SALL3: variants seen among roughly 807,000 people sequenced by gnomAD.
SALL3 encodes the protein spalt like transcription factor 3.
SALL3 carries 25 observed loss-of-function variants against 66.2 expected under a neutral mutation model. That is an observed-to-expected ratio of 0.38 (90% CI 0.28 to 0.53). SALL3 has a LOEUF of 0.53. Among genes scored for constraint, SALL3 ranks in the 20% least tolerant of loss-of-function variants. The pLI is 0.85. For synonymous variants in SALL3, 1,152 were observed against 899.1 expected (o/e 1.28, Z -5.03); for missense variants, 2,194 against 1,916.5 (o/e 1.14, Z -2.70).
intron 1 of SALL3, among the ~76,000 whole-genome samples, chr18:78,990,080 G>A (rs931708182): frequency 8.6e-5 from 13 of 152,018 alleles, no homozygotes; most frequent in Admixed American, 4.6e-4. Flanking sequence ...TTTGTTCTTT[G>A]CCCTATTCCA....
At chr18:78,991,681 A>C in intron 1 of SALL3, 1 of 198,474 alleles carries the variant, frequency 5.0e-6, no homozygotes, top group Non-Finnish European at 1.0e-5. Context: ...TAGTTTAGCA[A>C]TGTTAAGTGA....
intron 1 of SALL3, among the ~76,000 whole-genome samples, chr18:78,986,340 G>A (rs1006583865): frequency 2.0e-5 from 3 of 152,218 alleles, no homozygotes; most frequent in Non-Finnish European, 4.4e-5. Context: ...TCAGAGCCGC[G>A]TTGAGCATGG....
In SALL3 at chr18:78,995,469, G is replaced by A. The variant is rs1316752491; in HGVS notation, c.3471+7G>A. On this transcript the variant is annotated splice_region_variant and intron_variant, in intron 2 of 2. Transcript: ENST00000537592. The stretch of plus-strand genomic sequence containing the variant: ...CACTAAGGGCAACCTCAAGGTAAGA[G>A]CATGGCAGGCTCCAGCCCCGGCTGC... 1.3e-6 allele frequency: 2 copies of A among 1,537,464 alleles called. No homozygotes were observed. The highest frequency in any genetic ancestry group is 2.7e-5 in the African/African-American group (2 of 73,362).
In SALL3 at chr18:78,993,927, C is replaced by G. The variant is rs1384751651; in HGVS notation, c.1936C>G (p.Gln646Glu). Reference sequence around the variant, plus strand: ...CGCCGTCTCCGAGCAGTTCAAGGCCCAGTTTCCGTTCGGGGGGCTGCTAGA... The same window carrying G: ...CGCCGTCTCCGAGCAGTTCAAGGCCGAGTTTCCGTTCGGGGGGCTGCTAGA... The part of the protein sequence containing the change: ...LPAVSEQFKA[Q>E]FPFGGLLDSM... Residue 646 changes from glutamine to glutamate, a missense_variant, in exon 2 of 3, where the codon CAG (glutamine) becomes GAG (glutamate). By Grantham distance (29) the Gln-to-Glu change is conservative (BLOSUM62 2). Transcript: ENST00000537592. The G allele has an allele frequency of 6.2e-7, 1 of 1,606,656 alleles. No homozygotes were observed. Among genetic ancestry groups the G allele is most frequent in the Admixed American group, 1.7e-5 (1 of 59,494 alleles).
Position 78,994,874 on chromosome 18 carries a change from C to T in SALL3, c.2883C>T (p.Pro961=), listed in dbSNP as rs775113085. Residue 961 remains proline, a synonymous_variant, in exon 2 of 3, where the codon CCC becomes CCT. Transcript: ENST00000537592. ...GCGCGGGCATCAAGGAGGAGGCGCCCTTCAGCCTGCTGTTCCTGAGCAGGG... is the reference window on the plus strand; with the variant it reads ...GCGCGGGCATCAAGGAGGAGGCGCCTTTCAGCCTGCTGTTCCTGAGCAGGG... ...PGRAGIKEEA[P]FSLLFLSRER... 1.9e-6 allele frequency: 3 copies of T among 1,608,652 alleles called. No individual in the cohort carries two copies. The highest frequency in any genetic ancestry group is 4.5e-5 in the East Asian group (2 of 44,704).
At position 78,993,027 on chromosome 18, in the gene SALL3, C is replaced by G. The variant is rs758723440; in HGVS notation, c.1036C>G (p.Leu346Val). The change falls in exon 2 of 3, where the codon CTG (leucine) becomes GTG (valine). Residue 346 changes from leucine (L) to valine (V), a missense_variant. Physicochemically the swap from Leu to Val is conservative, Grantham distance 32. Coordinates refer to ENST00000537592, the MANE Select transcript of SALL3 (RefSeq NM_171999.4). ...GCAGAGCGCATCCACGCCGCCTGCC[C>G]TGGCCCCGGGGTCCCTGCTGGGTGC... ...QPQSASTPPA[L>V]APGSLLGAAP... 3 of 1,561,662 alleles carry G rather than the reference C, an allele frequency of 1.9e-6. No individual in the cohort carries two copies. Among genetic ancestry groups the G allele is most frequent in the South Asian group, 2.3e-5 (2 of 85,418 alleles).
intron 1 of SALL3, among the ~76,000 whole-genome samples, chr18:78,980,617 CGAGGCCGCGGCCGGCTCGAGGACGGCTCG>C (rs1914009744): frequency 6.6e-6 from 1 of 151,704 alleles, no homozygotes; most frequent in Admixed American, 6.6e-5. Context: ...CGAAGGGCGC[CGAGGCCGCGGCCGGCTCGAGGACGGCTCG>C]GAGGCCGGGG....
At position 78,992,122 on chromosome 18, in the gene SALL3, GCAGCGGGGGCGAGGAGAC is replaced by G. The variant is rs1216412735; in HGVS notation, c.137_154del (p.Gly46_Ser51del). 1 of 1,596,350 alleles carries G rather than the reference GCAGCGGGGGCGAGGAGAC, an allele frequency of 6.3e-7. No individual in the cohort carries two copies. The highest frequency in any genetic ancestry group is 8.5e-7 in the Non-Finnish European group (1 of 1,172,466). On this transcript the variant is annotated inframe_deletion, in exon 2 of 3. Transcript: ENST00000537592. ...GACGCAGACAGCGGGCCCGAGAGCC[GCAGCGGGGGCGAGGAGAC>G]CAGCGTGTGCGAGAAATGCTGCGCC...
intron 1 of SALL3, among the ~76,000 whole-genome samples, chr18:78,983,269 C>T (rs1300592260): frequency 2.0e-5 from 3 of 152,204 alleles, no homozygotes; most frequent in African/African-American, 2.4e-5. Context: ...CACTAGTAAT[C>T]CTGTGAGCCA....
At chr18:78,995,500 G>A (rs1047405179) in intron 2 of SALL3, 38 bp downstream of exon 2, 49 of 1,494,484 alleles carry the variant, frequency 3.3e-5, no homozygotes, top group Non-Finnish European at 4.1e-5. Flanking sequence ...GCTGCGGTGC[G>A]GCCGAGCCAC....
At chr18:78,983,715 A>G (rs1599172447) in intron 1 of SALL3, among the ~76,000 whole-genome samples, 3 of 152,308 alleles carry the variant, frequency 2.0e-5, no homozygotes, top group African/African-American at 7.2e-5. Flanking sequence ...GTGCTCCCCC[A>G]GCACACTACA....
chr18:78,980,288 A>T lies in SALL3; in HGVS notation c.14A>T (p.Lys5Met). The T allele has an allele frequency of 7.2e-7, 1 of 1,392,384 alleles. No individual in the cohort carries two copies. Among genetic ancestry groups the T allele is most frequent in the Non-Finnish European group, 9.4e-7 (1 of 1,062,094 alleles). 86.3% of individuals were successfully genotyped at this position (1,392,384 alleles called of 1,614,324 possible). MSRR[K>M]QAKPQHLKSD... ...GCCGCTAGCAGCATGTCTCGGCGCA[A>T]GCAGGCCAAGCCCCAGCACCTCAAG... Residue 5 changes from lysine (K) to methionine (M), a missense_variant, in exon 1 of 3, where the codon AAG (lysine) becomes ATG (methionine). Coordinates refer to ENST00000537592, the MANE Select transcript of SALL3 (RefSeq NM_171999.4).
chr18:78,980,240 G>C lies in SALL3; in HGVS notation c.-35G>C. The C allele has an allele frequency of 9.0e-7, 1 of 1,116,032 alleles. No individual in the cohort carries two copies. Among genetic ancestry groups the C allele is most frequent in the Non-Finnish European group, 1.1e-6 (1 of 898,504 alleles). The allele number at this position is 1,116,032 out of a possible 1,614,324, so 69.1% of individuals were successfully genotyped here. ...CCCCGCCGGCCGCCCCGCTGATGCC[G>C]CTGCCCCGCGCGGGGCCCGAGCGCC... On this transcript the variant is annotated 5_prime_UTR_variant, in exon 1 of 3. Transcript: ENST00000537592.
rs755322617 is a variant in SALL3, at chr18:78,993,635, A to G, written c.1644A>G (p.Pro548=). ...ACGCCGACTCTCCCAGCGCCACCCCAGCCAGCCGCTCCCCGCAGAGGCCCT... is the reference window on the plus strand; with the variant it reads ...ACGCCGACTCTCCCAGCGCCACCCCGGCCAGCCGCTCCCCGCAGAGGCCCT... The part of the protein sequence containing the change: ...HGYADSPSAT[P]ASRSPQRPSP... Residue 548 remains proline, a synonymous_variant, in exon 2 of 3, where the codon CCA becomes CCG. Transcript: ENST00000537592. 2 of 1,587,220 alleles carry G rather than the reference A, an allele frequency of 1.3e-6. No homozygotes were observed. Among genetic ancestry groups the G allele is most frequent in the Non-Finnish European group, 1.7e-6 (2 of 1,174,232 alleles).
chr18:78,995,038 C>T lies in SALL3; in HGVS notation c.3047C>T (p.Thr1016Ile). 1 of 1,613,848 alleles carries T rather than the reference C, an allele frequency of 6.2e-7. No individual in the cohort carries two copies. Among genetic ancestry groups the T allele is most frequent in the Non-Finnish European group, 8.5e-7 (1 of 1,180,034 alleles). ...VCALCRRGCS[T>I]MGNLKQHLLT... Reference sequence around the variant, plus strand: ...GCGCTCTGCAGGCGAGGGTGCTCCACTATGGGTAATTTAAAACAGCACTTA... The same window carrying T: ...GCGCTCTGCAGGCGAGGGTGCTCCATTATGGGTAATTTAAAACAGCACTTA... Residue 1016 changes from threonine (T) to isoleucine (I), a missense_variant, in exon 2 of 3, where the codon ACT becomes ATT. Coordinates refer to ENST00000537592, the MANE Select transcript of SALL3 (RefSeq NM_171999.4).
chr18:78,998,231 ATT>A lies in SALL3; in HGVS notation c.*911_*912del, dbSNP rs1297811417. 6.6e-5 allele frequency: 10 copies of A among 152,480 alleles called. No individual in the cohort carries two copies. The highest frequency in any genetic ancestry group is 2.0e-4 in the Admixed American group (3 of 15,288). 9.4% of individuals were successfully genotyped at this position (152,480 alleles called of 1,614,324 possible). A position where few individuals can be genotyped will look rare whatever the true frequency, so the allele number is the denominator to read the frequency against. On this transcript the variant is annotated 3_prime_UTR_variant, in exon 3 of 3. Coordinates refer to ENST00000537592, the MANE Select transcript of SALL3 (RefSeq NM_171999.4). Reference sequence around the variant, plus strand: ...TGTATAATGTGGTTGCAAACTCTTAATTTATACTATTGCACTTTTAGTATTTT... The same window carrying A: ...TGTATAATGTGGTTGCAAACTCTTAATATACTATTGCACTTTTAGTATTTT...
chr18:78,992,109 G>A lies in SALL3; in HGVS notation c.118G>A (p.Gly40Arg), dbSNP rs759085561. 7 of 1,585,404 alleles carry A rather than the reference G, an allele frequency of 4.4e-6. No individual in the cohort carries two copies. The highest frequency in any genetic ancestry group is 2.7e-5 in the African/African-American group (2 of 74,030). ...GGAAGGTGCGGAGGACGCAGACAGC[G>A]GGCCCGAGAGCCGCAGCGGGGGCGA... ...PGEGAEDADS[G>R]PESRSGGEET... is the part of the protein sequence containing the mutation. Residue 40 changes from glycine (G) to arginine (R), a missense_variant, in exon 2 of 3, where the codon GGG (glycine) becomes AGG (arginine). Gly to Arg is a moderately radical substitution (Grantham distance 125). Transcript: ENST00000537592.
chr18:78,994,330 A>C lies in SALL3; in HGVS notation c.2339A>C (p.Asp780Ala), dbSNP rs1273025587. ...PLPEGFQDAM[D>A]SELAYDDKNA... ...CCGGAGGGCTTCCAGGATGCCATGG[A>C]CTCCGAGCTGGCCTACGACGACAAG... Residue 780 changes from aspartate (D) to alanine (A), a missense_variant, in exon 2 of 3, where the codon GAC (aspartate) becomes GCC (alanine). Transcript: ENST00000537592. The C allele has an allele frequency of 1.9e-6, 3 of 1,613,538 alleles. No homozygotes were observed. In the South Asian group the frequency reaches 3.3e-5, roughly 18 times the overall value.
intron 1 of SALL3, among the ~76,000 whole-genome samples, chr18:78,991,189 AGTTT>A (rs1455233272): frequency 1.3e-5 from 2 of 152,214 alleles, no homozygotes; most frequent in Non-Finnish European, 2.9e-5. Context: ...TATAATTTCT[AGTTT>A]GTTAACAAAC....
Sources: allele counts gnomAD v4.1 joint callset (sites outside exome capture counted in the v4.1 genomes callset), GRCh38; gene constraint gnomAD v4.1.1; transcripts MANE v1.5; gene names NCBI Gene and HGNC (gene_info 2026-07-23, HGNC 2026-07-21).